KALRN: variants seen among roughly 807,000 people sequenced by gnomAD.
KALRN encodes kalirin RhoGEF kinase.
A neutral mutation model predicts 353.7 loss-of-function variants in KALRN; 70 were observed. The observed-to-expected ratio is 0.20, with a 90% CI of 0.16 to 0.24. The LOEUF is 0.24. Among genes scored for constraint, KALRN ranks in the 10% least tolerant of loss-of-function variants. The probability of loss-of-function intolerance (pLI) is 1.00; values close to 1 mark genes in which losing one functional copy is unlikely to be tolerated. For synonymous variants in KALRN, 1,391 were observed against 1,434.8 expected, an observed-to-expected ratio of 0.97 and a Z score of 0.69; for missense variants, 2,791 against 3,756.7, an observed-to-expected ratio of 0.74 and a Z score of 6.72.
At chr3:124,053,495 G>A (rs1286541783) in intron 1 of KALRN, among the ~76,000 whole-genome samples, 1 of 152,186 alleles carries the variant, frequency 6.6e-6, no homozygotes, top group Non-Finnish European at 1.5e-5. Context: ...CTTTCACCAA[G>A]CCTGACATCA....
rs561798337 is a variant in KALRN, at chr3:124,708,464, C to T, written c.8076-4471C>T. Among the ~76,000 whole-genome samples, 8 of 151,582 alleles carry T rather than the reference C, an allele frequency of 5.3e-5. No individual in the cohort carries two copies. In the East Asian group the frequency reaches 1.4e-3, roughly 26 times the overall value. ...TGATTTTTAAATTTAAATTGCATAACAAAAAATACAATATCTAAAATTTTT... is the reference window on the plus strand; with the variant it reads ...TGATTTTTAAATTTAAATTGCATAATAAAAAATACAATATCTAAAATTTTT... On this transcript the variant is annotated intron_variant, in intron 57 of 59. Coordinates refer to ENST00000682506, the MANE Select transcript of KALRN (RefSeq NM_001388419.1).
intron 1 of KALRN, among the ~76,000 whole-genome samples, chr3:124,111,822 A>G (rs981253596): frequency 1.3e-5 from 2 of 152,214 alleles, no homozygotes; most frequent in African/African-American, 4.8e-5. Context: ...GATATATAGC[A>G]GGAAGAATGG....
intron 33 of KALRN, among the ~76,000 whole-genome samples, chr3:124,525,495 G>C (rs1018003319): frequency 6.6e-6 from 1 of 152,122 alleles, no homozygotes; most frequent in Non-Finnish European, 1.5e-5. Context: ...AAAAATAATT[G>C]ATGTAGAAAG....
Position 124,674,391 on chromosome 3 carries a change from T to A in KALRN, c.6970T>A (p.Ser2324Thr). ...KNDLGGCNGTSSMAVIKDYYA... is the reference protein window; with the variant it reads ...KNDLGGCNGTTSMAVIKDYYA... ...CGACCTGGGAGGCTGCAATGGGACC[T>A]CGTCCATGGCCGTGATCAAAGATTA... The change falls in exon 49 of 60, where the codon TCG (serine) becomes ACG (threonine). Residue 2324 changes from serine to threonine, a missense_variant. Transcript: ENST00000682506. 1 of 1,613,696 alleles carries A rather than the reference T, an allele frequency of 6.2e-7. No individual in the cohort carries two copies. Among genetic ancestry groups the A allele is most frequent in the Non-Finnish European group, 8.5e-7 (1 of 1,179,868 alleles).
intron 57 of KALRN, among the ~76,000 whole-genome samples, chr3:124,706,679 C>T (rs2062632203): frequency 6.6e-6 from 1 of 151,936 alleles, no homozygotes; most frequent in African/African-American, 2.4e-5. Context: ...AAGCGATTCT[C>T]CTGCCTCAGC....
intron 6 of KALRN, among the ~76,000 whole-genome samples, chr3:124,300,181 G>GT (rs1245269283): frequency 1.3e-5 from 2 of 152,178 alleles, no homozygotes; most frequent in Non-Finnish European, 2.9e-5. Context: ...TGGTGCAAAA[G>GT]TAATTGTGCT....
intron 8 of KALRN, among the ~76,000 whole-genome samples, chr3:124,333,343 G>A (rs191899207): frequency 7.3e-4 from 111 of 152,208 alleles, no homozygotes; most frequent in African/African-American, 2.2e-3. Flanking sequence ...TTCTAAATAC[G>A]GTATGTGTGT....
chr3:124,100,905 AT>A (rs1235228442), intron 1 of KALRN, among the ~76,000 whole-genome samples: 2 of 152,246 alleles, frequency 1.3e-5, no homozygotes, highest in Non-Finnish European at 2.9e-5. Context: ...GGTGATTCTA[AT>A]GGCAGCCAGA....
At chr3:124,493,577 G>GA (rs199594638) in intron 32 of KALRN, among the ~76,000 whole-genome samples, 2,578 of 151,208 alleles carry the variant, frequency 0.017, 74 homozygotes, top group African/African-American at 0.056. Flanking sequence ...ACATTTTGAA[G>GA]AAAAAAAAAT....
In KALRN at chr3:124,384,827, C is replaced by T. The variant is rs1473172525; in HGVS notation, c.1771-18C>T. ...GCGCGACTGCAACTTGACTTTGCCT[C>T]ACTGTTGTTGCTGGCAGAATACGTA... On this transcript the variant is annotated intron_variant, in intron 10 of 59. Transcript: ENST00000682506. 3.2e-6 allele frequency: 5 copies of T among 1,560,124 alleles called. No homozygotes were observed. Among genetic ancestry groups the T allele is most frequent in the Non-Finnish European group, 4.4e-6 (5 of 1,146,234 alleles).
At chr3:124,445,518 C>T (rs2093808255) in intron 19 of KALRN, among the ~76,000 whole-genome samples, 1 of 152,136 alleles carries the variant, frequency 6.6e-6, no homozygotes, top group Admixed American at 6.5e-5. Flanking sequence ...CATTTAACAC[C>T]ACTTTTAGCT....
chr3:124,661,601 G>C (rs1028826361), intron 44 of KALRN, among the ~76,000 whole-genome samples: 4 of 152,154 alleles, frequency 2.6e-5, no homozygotes, highest in African/African-American at 9.7e-5. Flanking sequence ...GTAGGGAAAG[G>C]AGGGGCTGAG....
Position 124,674,623 on chromosome 3 carries a change from C to G in KALRN, c.7193+9C>G. 1 of 1,569,244 alleles carries G rather than the reference C, an allele frequency of 6.4e-7. No homozygotes were observed. The highest frequency in any genetic ancestry group is 8.7e-7 in the Non-Finnish European group (1 of 1,154,986). ...AGTGACGGGAGCATCAAGTAAGTGC[C>G]TCGTTGGCTTCCCCGGGAGAGGAGT... On this transcript the variant is annotated intron_variant, in intron 49 of 59. Transcript: ENST00000682506.
chr3:124,674,731 A>T, intron 49 of KALRN, 117 bp downstream of exon 49: 1 of 1,130,114 alleles, frequency 8.8e-7, no homozygotes. Context: ...GCTTATTCTC[A>T]ACAGTACCAC....
intron 4 of KALRN, among the ~76,000 whole-genome samples, chr3:124,265,650 G>C (rs1205487955): frequency 6.6e-6 from 1 of 151,946 alleles, no homozygotes; most frequent in Non-Finnish European, 1.5e-5. Flanking sequence ...TAAAAAGCCA[G>C]GTAAAATTGC....
chr3:124,203,587 G>C (rs969286466), intron 1 of KALRN, among the ~76,000 whole-genome samples: 2 of 152,166 alleles, frequency 1.3e-5, no homozygotes, highest in African/African-American at 4.8e-5. Flanking sequence ...TATACGTATT[G>C]CTTGGAATAA....
At chr3:124,547,259 C>T (rs2069799674) in intron 33 of KALRN, among the ~76,000 whole-genome samples, 1 of 152,164 alleles carries the variant, frequency 6.6e-6, no homozygotes, top group Non-Finnish European at 1.5e-5. Context: ...CTGGGCTTCT[C>T]AAAGTGCTGG....
chr3:124,474,042 A>G (rs2061202941), intron 25 of KALRN, among the ~76,000 whole-genome samples: 1 of 152,228 alleles, frequency 6.6e-6, no homozygotes, highest in South Asian at 2.1e-4. Context: ...ATTAACGTGG[A>G]AAGGAGCCAT....
chr3:124,672,748 G>C (rs1292477214), intron 48 of KALRN, among the ~76,000 whole-genome samples: 1 of 152,196 alleles, frequency 6.6e-6, no homozygotes, highest in African/African-American at 2.4e-5. Context: ...GCTAGATTAG[G>C]AATCAGGCAA....
Sources: gnomAD v4.1 joint callset for allele counts (sites outside exome capture counted in the v4.1 genomes callset) on GRCh38, gnomAD v4.1.1 for gene constraint, MANE v1.5 for transcripts, NCBI Gene and HGNC (gene_info 2026-07-23, HGNC 2026-07-21) for gene names.